Variants in ANKRD62 observed in about 807,000 individuals in gnomAD.
ANKRD62 encodes the protein ankyrin repeat domain-containing protein 62.
In ANKRD62, 61 loss-of-function variants were observed where a neutral mutation model predicts 98.8. The ratio of observed to expected loss-of-function variants is 0.62; its 90% CI spans 0.50 to 0.76. The LOEUF (loss-of-function observed/expected upper bound fraction) is 0.76. Among genes scored for constraint, ANKRD62 ranks in the 30% least tolerant of loss-of-function variants. The pLI is 0.00. For missense variants in ANKRD62, 933 were observed against 1,082.9 expected, an observed-to-expected ratio of 0.86 and a Z score of 1.94; for synonymous variants, 341 against 367.9, an observed-to-expected ratio of 0.93 and a Z score of 0.84.
chr18:12,173,834 G>A, the ANKRD62 span, among the ~76,000 whole-genome samples: 1 of 152,194 alleles, frequency 6.6e-6, no homozygotes, highest in Non-Finnish European at 1.5e-5. Context: ...TCTTTGGCTT[G>A]TAGGGGTTCT....
chr18:12,171,257 T>A, the ANKRD62 span, among the ~76,000 whole-genome samples: 3 of 152,232 alleles, frequency 2.0e-5, no homozygotes, highest in Non-Finnish European at 4.4e-5. Context: ...CTTTGGCATG[T>A]TTTTGCAGTG....
the ANKRD62 span, among the ~76,000 whole-genome samples, chr18:12,139,831 T>A: frequency 6.6e-6 from 1 of 152,018 alleles, no homozygotes; most frequent in African/African-American, 2.4e-5. Context: ...CGTCTTGGAG[T>A]TGCTCTTCTC....
the ANKRD62 span, among the ~76,000 whole-genome samples, chr18:12,168,565 G>A: frequency 6.6e-6 from 1 of 152,172 alleles, no homozygotes; most frequent in Non-Finnish European, 1.5e-5. Context: ...AAGTCAGGTA[G>A]CATGATGCCT....
At chr18:12,173,244 A>G in the ANKRD62 span, among the ~76,000 whole-genome samples, 1 of 152,158 alleles carries the variant, frequency 6.6e-6, no homozygotes, top group Non-Finnish European at 1.5e-5. Context: ...ACCTCCCGCC[A>G]ACAATGTCTT....
the ANKRD62 span, among the ~76,000 whole-genome samples, chr18:12,139,427 G>A: frequency 1.3e-5 from 2 of 152,028 alleles, no homozygotes; most frequent in Non-Finnish European, 2.9e-5. Flanking sequence ...GGCGGATCAC[G>A]AGGTCAGGAG....
chr18:12,166,544 A>T, the ANKRD62 span, among the ~76,000 whole-genome samples: 1 of 151,196 alleles, frequency 6.6e-6, no homozygotes, highest in African/African-American at 2.4e-5. Context: ...GTTACCTTGA[A>T]TTTTTTTTTA....
the ANKRD62 span, among the ~76,000 whole-genome samples, chr18:12,178,067 CATAAGAAG>C: frequency 1.2e-5 from 1 of 83,768 alleles, no homozygotes; most frequent in Non-Finnish European, 2.7e-5. Context: ...TAAGAAGAAG[CATAAGAAG>C]AGCATAAGAA....
chr18:12,175,382 G>A, the ANKRD62 span, among the ~76,000 whole-genome samples: 1 of 152,088 alleles, frequency 6.6e-6, no homozygotes, highest in East Asian at 1.9e-4. Flanking sequence ...CGGGAGGGCG[G>A]CTGACTGCAC....
intron 7 of ANKRD62, 101 bp downstream of exon 7, chr18:12,103,329 T>TA: frequency 1.7e-6 from 1 of 583,714 alleles, no homozygotes; most frequent in East Asian, 3.5e-5. Flanking sequence ...CAATTGAATG[T>TA]AATTTAATAG....
chr18:12,097,864 A>C, intron 5 of ANKRD62, 87 bp downstream of exon 5: 1 of 1,460,838 alleles, frequency 6.8e-7, no homozygotes, highest in Non-Finnish European at 9.1e-7. Context: ...GAGATTTCAT[A>C]GTTTGGTTCA....
Position 12,107,456 on chromosome 18 carries a change from C to T in ANKRD62, c.1053C>T (p.Gly351=), listed in dbSNP as rs1171180433. The part of the protein sequence containing the change: ...DNHQSPGKEN[G]EFDRLARKTS... ...ATCAATCTCCTGGGAAGGAGAATGGCGAGTTTGATAGGTAATCCTGTAGCG... is the reference window on the plus strand; with the variant it reads ...ATCAATCTCCTGGGAAGGAGAATGGTGAGTTTGATAGGTAATCCTGTAGCG... Residue 351 remains glycine (G), a synonymous_variant, in exon 8 of 14, where the codon GGC becomes GGT. Coordinates refer to ENST00000587848, the MANE Select transcript of ANKRD62 (RefSeq NM_001277333.2). The T allele has an allele frequency of 4.0e-6, 6 of 1,499,330 alleles. No homozygotes were observed. The highest frequency in any genetic ancestry group is 4.4e-6 in the Non-Finnish European group (5 of 1,129,332). 92.9% of individuals were successfully genotyped at this position (1,499,330 alleles called of 1,614,324 possible). A position where few individuals can be genotyped will look rare whatever the true frequency, so the allele number is the denominator to read the frequency against.
At chr18:12,096,072 A>C in intron 3 of ANKRD62, 124 bp from the exon 4 acceptor site, 1 of 684,750 alleles carries the variant, frequency 1.5e-6, no homozygotes, top group Non-Finnish European at 2.4e-6. Context: ...GTGAGAAGGA[A>C]GGGATTGCTT....
the ANKRD62 span, among the ~76,000 whole-genome samples, chr18:12,135,478 T>C: frequency 6.6e-6 from 1 of 151,504 alleles, no homozygotes; most frequent in African/African-American, 2.5e-5. Context: ...GTCTTTGCTA[T>C]TGTGAATAGT....
the ANKRD62 span, among the ~76,000 whole-genome samples, chr18:12,138,687 G>C: frequency 1.3e-5 from 2 of 152,118 alleles, no homozygotes; most frequent in South Asian, 2.1e-4. Flanking sequence ...GTCTAAGTCT[G>C]TTTGTAGGTC....
the ANKRD62 span, among the ~76,000 whole-genome samples, chr18:12,178,150 G>C: frequency 5.9e-5 from 9 of 151,546 alleles, no homozygotes; most frequent in Non-Finnish European, 1.3e-4. Context: ...GAGGCCAGGA[G>C]AGCTTCCTGG....
At chr18:12,118,063 G>A (rs528197118) in intron 10 of ANKRD62, among the ~76,000 whole-genome samples, 3 of 152,240 alleles carry the variant, frequency 2.0e-5, no homozygotes, top group African/African-American at 7.2e-5. Context: ...AGCCTACATT[G>A]GCACATCAGA....
At chr18:12,137,423 T>C in the ANKRD62 span, among the ~76,000 whole-genome samples, 1 of 152,334 alleles carries the variant, frequency 6.6e-6, no homozygotes, top group South Asian at 2.1e-4. Flanking sequence ...GGATAAGCTT[T>C]TTGATGTGTT....
At position 12,125,623 on chromosome 18, in the gene ANKRD62, A is replaced by G. The variant is rs774341193; in HGVS notation, c.1802A>G (p.Glu601Gly). ...ATTGAAATTATAAAGGAAAACAATG[A>G]AGACCTTGAAAAGACTCTCAAGCGG... ...KDIEIIKENN[E>G]DLEKTLKRNE... The change falls in exon 13 of 14, where the codon GAA becomes GGA. Residue 601 changes from glutamate (E) to glycine (G), a missense_variant. By Grantham distance (98) the Glu-to-Gly change is moderately conservative (BLOSUM62 -2). Around this residue, in one of 3 missense-constraint regions of ANKRD62, gnomAD observed 362 missense variants for 434.5 expected, o/e 0.83. Coordinates refer to ENST00000587848, the MANE Select transcript of ANKRD62 (RefSeq NM_001277333.2). The G allele has an allele frequency of 2.6e-6, 4 of 1,526,128 alleles. No individual in the cohort carries two copies. In the South Asian group the frequency reaches 4.9e-5, roughly 19 times the overall value. The allele number at this position is 1,526,128 out of a possible 1,614,324, so 94.5% of individuals were successfully genotyped here. A position where few individuals can be genotyped will look rare whatever the true frequency, so the allele number is the denominator to read the frequency against.
At chr18:12,169,917 A>T in the ANKRD62 span, among the ~76,000 whole-genome samples, 1 of 152,166 alleles carries the variant, frequency 6.6e-6, no homozygotes, top group African/African-American at 2.4e-5. Context: ...TTATTTGCAT[A>T]GAGGTGTTTA....
Sources: allele counts gnomAD v4.1 joint callset (sites outside exome capture counted in the v4.1 genomes callset), GRCh38; gene constraint gnomAD v4.1.1; regional missense constraint gnomAD v4.1.1; transcripts MANE v1.5; gene names NCBI Gene and HGNC (gene_info 2026-07-23, HGNC 2026-07-21).